Variants in FOXN3 observed in about 807,000 individuals in gnomAD.
FOXN3 encodes the protein forkhead box protein N3.
A neutral mutation model predicts 38.4 loss-of-function variants in FOXN3; 7 were observed. That is an observed-to-expected ratio of 0.18 (90% CI 0.10 to 0.34). The LOEUF is 0.34. FOXN3 is among the 10% of genes least tolerant of loss of function. The pLI is 1.00. For missense variants in FOXN3, 456 were observed against 613.4 expected (o/e 0.74, Z 2.71); for synonymous variants, 230 against 242.2 (o/e 0.95, Z 0.47).
intron 1 of FOXN3, among the ~76,000 whole-genome samples, chr14:89,472,952 G>A (rs1046051627): frequency 6.6e-6 from 1 of 152,156 alleles, no homozygotes; most frequent in Admixed American, 6.5e-5. Flanking sequence ...CAGGGGCAAA[G>A]TCAGACAGTA....
At chr14:89,415,883 C>CA (rs60129607) in intron 1 of FOXN3, among the ~76,000 whole-genome samples, 25 of 148,270 alleles carry the variant, frequency 1.7e-4, no homozygotes, top group African/African-American at 2.2e-4. Flanking sequence ...CACACACACA[C>CA]CCTCTTTTGT....
chr14:89,388,604 G>A (rs1197654582), intron 2 of FOXN3, among the ~76,000 whole-genome samples: 3 of 152,098 alleles, frequency 2.0e-5, no homozygotes, highest in South Asian at 2.1e-4. Flanking sequence ...GAGGAGACAC[G>A]TGATGAACAA....
At chr14:89,516,113 G>A (rs1273049512) in intron 1 of FOXN3, among the ~76,000 whole-genome samples, 2 of 150,174 alleles carry the variant, frequency 1.3e-5, no homozygotes, top group African/African-American at 2.4e-5. Context: ...TGCATCTTGG[G>A]GAGGCAGCGT....
intron 1 of FOXN3, among the ~76,000 whole-genome samples, chr14:89,472,670 G>A (rs891645377): frequency 6.2e-5 from 9 of 145,182 alleles, no homozygotes; most frequent in South Asian, 4.4e-4. Flanking sequence ...GCAGTGAGCC[G>A]AGATCGCGCC....
At chr14:89,230,993 G>A (rs1884790966) in intron 4 of FOXN3, 1 of 380,762 alleles carries the variant, frequency 2.6e-6, no homozygotes, top group Non-Finnish European at 5.4e-6. Flanking sequence ...AGCTCTGCGG[G>A]AACATCAGGA....
chr14:89,535,764 A>T (rs2139842167), intron 1 of FOXN3, among the ~76,000 whole-genome samples: 1 of 152,254 alleles, frequency 6.6e-6, no homozygotes, highest in Admixed American at 6.5e-5. Flanking sequence ...GCTCTAATCC[A>T]TCTCATTATA....
At chr14:89,604,833 G>A (rs890036937) in intron 1 of FOXN3, among the ~76,000 whole-genome samples, 1 of 152,194 alleles carries the variant, frequency 6.6e-6, no homozygotes, top group Non-Finnish European at 1.5e-5. Flanking sequence ...ATGGCAATGA[G>A]ACTTAGCATT....
intron 1 of FOXN3, among the ~76,000 whole-genome samples, chr14:89,532,008 G>T (rs1304217093): frequency 6.6e-6 from 1 of 152,278 alleles, no homozygotes; most frequent in East Asian, 1.9e-4. Flanking sequence ...ATCATACCTG[G>T]ACTGGCAGCA....
At chr14:89,263,594 A>G (rs1402746507) in intron 4 of FOXN3, 1 of 152,228 alleles carries the variant, frequency 6.6e-6, no homozygotes, top group African/African-American at 2.4e-5. Context: ...TTTTTTAACC[A>G]TGTAAGAATT....
intron 2 of FOXN3, among the ~76,000 whole-genome samples, chr14:89,352,249 A>T (rs185223651): frequency 5.5e-4 from 84 of 152,326 alleles, no homozygotes; most frequent in African/African-American, 1.9e-3. Context: ...AACTTTGGAA[A>T]ATTCAACATT....
chr14:89,596,801 G>C (rs1408747999), intron 1 of FOXN3, among the ~76,000 whole-genome samples: 3 of 152,052 alleles, frequency 2.0e-5, no homozygotes, highest in Non-Finnish European at 4.4e-5. Context: ...CAAATATATT[G>C]CCATAAAGTT....
At chr14:89,447,921 G>A (rs1479523624) in intron 1 of FOXN3, among the ~76,000 whole-genome samples, 2 of 134,870 alleles carry the variant, frequency 1.5e-5, no homozygotes, top group East Asian at 2.3e-4. Context: ...AGGTTCAATC[G>A]ATTCTCCTGC....
chr14:89,304,117 G>A (rs1012023024), intron 3 of FOXN3, among the ~76,000 whole-genome samples: 1 of 152,174 alleles, frequency 6.6e-6, no homozygotes, highest in Non-Finnish European at 1.5e-5. Context: ...AACAGAACCT[G>A]AAAGCAGTTC....
At chr14:89,386,299 C>T (rs928366168) in intron 2 of FOXN3, among the ~76,000 whole-genome samples, 8 of 152,216 alleles carry the variant, frequency 5.3e-5, no homozygotes, top group African/African-American at 1.7e-4. Flanking sequence ...CCCCTGACAT[C>T]GAGGAGTGTG....
chr14:89,323,716 C>T (rs1349999831), intron 3 of FOXN3, among the ~76,000 whole-genome samples: 2 of 46,734 alleles, frequency 4.3e-5, no homozygotes, highest in Non-Finnish European at 8.4e-5. Flanking sequence ...GAGACTCCAT[C>T]GCAAAACAAA....
chr14:89,277,688 A>G (rs1425592452), intron 4 of FOXN3, among the ~76,000 whole-genome samples: 1 of 152,156 alleles, frequency 6.6e-6, no homozygotes, highest in Non-Finnish European at 1.5e-5. Flanking sequence ...TAAAGGTACT[A>G]AGTTTCCACT....
At chr14:89,376,519 C>A (rs1434347577) in intron 2 of FOXN3, among the ~76,000 whole-genome samples, 2 of 152,100 alleles carry the variant, frequency 1.3e-5, no homozygotes, top group Admixed American at 6.5e-5. Context: ...ATAATTCAGG[C>A]AAGAATCATC....
intron 2 of FOXN3, among the ~76,000 whole-genome samples, chr14:89,378,604 T>G (rs1890553203): frequency 6.6e-6 from 1 of 152,148 alleles, no homozygotes; most frequent in Non-Finnish European, 1.5e-5. Context: ...TTTCTTTAAC[T>G]GTGTGCATTT....
rs114116323 is a variant in FOXN3, at chr14:89,518,160, C to T, written c.-15+100868G>A. Among the ~76,000 whole-genome samples the T allele has an allele frequency of 3.2e-3, 492 of 152,318 alleles. 7 individuals are homozygous for T. The highest frequency in any genetic ancestry group is 0.011 in the African/African-American group (471 of 41,572). ...TCATGCTGCTGAGCAACAGACATCA[C>T]CTGGGCATGTGTAGGCCCCTCTCCC... On this transcript the variant is annotated intron_variant, in intron 1 of 6. Transcript: ENST00000345097.
Sources: allele counts gnomAD v4.1 joint callset (sites outside exome capture counted in the v4.1 genomes callset), GRCh38; gene constraint gnomAD v4.1.1; transcripts MANE v1.5; gene names NCBI Gene and HGNC (gene_info 2026-07-23, HGNC 2026-07-21).